The following KRT71 variants were observed in gnomAD, a reference collection of about 807,000 sequenced individuals.
The protein encoded by KRT71 is keratin, type II cytoskeletal 71.
Under a neutral mutation model 46.2 loss-of-function variants are expected in KRT71, and 42 were observed. That is an observed-to-expected ratio of 0.91 (90% CI 0.71 to 1.18). KRT71 has a LOEUF of 1.18. Among genes scored for constraint, KRT71 ranks in the 50% most tolerant of loss-of-function variants. KRT71 has a pLI of 0.00. For synonymous variants in KRT71, 292 were observed against 277.8 expected, an observed-to-expected ratio of 1.05 and a Z score of -0.51; for missense variants, 708 against 677.9, an observed-to-expected ratio of 1.04 and a Z score of -0.49.
At chr12:52,548,821 T>TG (rs770018237) in intron 3 of KRT71, 25 bp from the exon 4 acceptor site, 1 of 1,605,216 alleles carries the variant, frequency 6.2e-7, no homozygotes, top group South Asian at 1.1e-5. Flanking sequence ...CACCATCCCC[T>TG]GTCACTGCTG....
At chr12:52,549,378 G>C in intron 2 of KRT71, 25 bp from the exon 3 acceptor site, 1 of 1,594,120 alleles carries the variant, frequency 6.3e-7, no homozygotes, top group African/African-American at 1.3e-5. Context: ...AGGGCTCATT[G>C]GTTAATATCT....
chr12:52,546,767 A>G (rs1243275582), intron 6 of KRT71, among the ~76,000 whole-genome samples: 1 of 152,212 alleles, frequency 6.6e-6, no homozygotes, highest in Non-Finnish European at 1.5e-5. Flanking sequence ...GCATAGAGAC[A>G]TTTATTCAGC....
At position 52,552,917 on chromosome 12, in the gene KRT71, A is replaced by G. The variant is rs1434158598; in HGVS notation, c.161T>C (p.Val54Ala). ...GSRSLYSLGG[V>A]RSLNVASGSG... Reference sequence around the variant, plus strand: ...GCCACTGGCCACATTGAGGCTCCGGACACCCCCCAGGCTGTAGAGGCTCCG... The same window carrying G: ...GCCACTGGCCACATTGAGGCTCCGGGCACCCCCCAGGCTGTAGAGGCTCCG... The change falls in exon 1 of 9, where the codon GTC (valine) becomes GCC (alanine). Residue 54 changes from valine (V) to alanine (A), a missense_variant. Coordinates refer to ENST00000267119, the MANE Select transcript of KRT71 (RefSeq NM_033448.3). 2 of 1,613,974 alleles carry G rather than the reference A, an allele frequency of 1.2e-6. No individual in the cohort carries two copies. The highest frequency in any genetic ancestry group is 8.5e-7 in the Non-Finnish European group (1 of 1,180,038).
rs762812066 is a variant in KRT71, at chr12:52,550,026, C to T, written c.656+3G>A. 1 of 1,614,024 alleles carries T rather than the reference C, an allele frequency of 6.2e-7. No individual in the cohort carries two copies. The highest frequency in any genetic ancestry group is 8.5e-7 in the Non-Finnish European group (1 of 1,179,916). ...CAGTTACAGGGGGACTCCTCCTGCT[C>T]ACCTCTTCTTGTAGTCCTCCACTAC... On this transcript the variant is annotated splice_donor_region_variant and intron_variant, in intron 2 of 8. Coordinates refer to ENST00000267119, the MANE Select transcript of KRT71 (RefSeq NM_033448.3).
chr12:52,549,959 G>A, intron 2 of KRT71, 70 bp downstream of exon 2: 1 of 1,573,890 alleles, frequency 6.4e-7, no homozygotes, highest in Non-Finnish European at 8.7e-7. Flanking sequence ...TTTAAGCTGG[G>A]GTGACTGCCA....
At position 52,544,497 on chromosome 12, in the gene KRT71, G is replaced by T; in HGVS notation, c.*35C>A. On this transcript the variant is annotated 3_prime_UTR_variant, in exon 9 of 9. Transcript: ENST00000267119. The stretch of plus-strand genomic sequence containing the variant: ...AGTACAGTGTGGGATCCAGAGCCGG[G>T]TCATGGAATGAGGCGGGGCCCGGGG... 1 of 1,577,316 alleles carries T rather than the reference G, an allele frequency of 6.3e-7. No homozygotes were observed. Among genetic ancestry groups the T allele is most frequent in the Non-Finnish European group, 8.7e-7 (1 of 1,146,556 alleles).
intron 6 of KRT71, 33 bp downstream of exon 6, chr12:52,547,824 C>T: frequency 2.5e-6 from 4 of 1,611,164 alleles, no homozygotes; most frequent in Non-Finnish European, 3.4e-6. Context: ...CTCCCCTGCA[C>T]TTGACCACAG....
Position 52,546,410 on chromosome 12 carries a change from G to T in KRT71, c.1201C>A (p.Leu401Met). 10 of 1,614,190 alleles carry T rather than the reference G, an allele frequency of 6.2e-6. No individual in the cohort carries two copies. The highest frequency in any genetic ancestry group is 8.5e-6 in the Non-Finnish European group (10 of 1,180,026). ...GCCAGCTCCTCCTTGGCCTGGTGCA[G>T]GGCGCCCTCCAGCTCGTCCAGCTTG... ...RAKLDELEGA[L>M]HQAKEELARM... is the part of the protein sequence containing the mutation. The change falls in exon 7 of 9, where the codon CTG becomes ATG. Residue 401 changes from leucine to methionine, a missense_variant. Coordinates refer to ENST00000267119, the MANE Select transcript of KRT71 (RefSeq NM_033448.3).
At chr12:52,546,140 T>C in intron 7 of KRT71, 146 bp downstream of exon 7, 1 of 846,078 alleles carries the variant, frequency 1.2e-6, no homozygotes, top group South Asian at 1.8e-5. Flanking sequence ...CTCATGGTAG[T>C]ATTGTTAATT....
chr12:52,549,232 A>G (rs2120574758), intron 3 of KRT71, 61 bp downstream of exon 3: 2 of 1,283,864 alleles, frequency 1.6e-6, no homozygotes, highest in Non-Finnish European at 1.1e-6. Flanking sequence ...GCACCTTGGC[A>G]GGCTCTGTTC....
In KRT71 at chr12:52,546,311, T is replaced by C; in HGVS notation, c.1300A>G (p.Lys434Glu). 6.2e-7 allele frequency: 1 copy of C among 1,614,108 alleles called. No homozygotes were observed. Among genetic ancestry groups the C allele is most frequent in the Middle Eastern group, 1.7e-4 (1 of 6,060 alleles). The change falls in exon 7 of 9, where the codon AAG becomes GAG. Residue 434 changes from lysine (K) to glutamate (E), a missense_variant. Lys to Glu is a moderately conservative substitution (Grantham distance 56). Coordinates refer to ENST00000267119, the MANE Select transcript of KRT71 (RefSeq NM_033448.3). ...ALDMEIATYR[K>E]LLESEECRMS... ...CTGCACTCCTCGCTCTCCAGTAGCT[T>C]GCGATAGGTGGCGATCTCCATGTCC...
At position 52,548,162 on chromosome 12, in the gene KRT71, T is replaced by C; in HGVS notation, c.968A>G (p.Tyr323Cys). The change falls in exon 5 of 9, where the codon TAC becomes TGC. Residue 323 changes from tyrosine to cysteine, a missense_variant. Physicochemically the swap from Tyr to Cys is radical, Grantham distance 194 (BLOSUM62 -2). Transcript: ENST00000267119. ...LKSKAEAEAL[Y>C]QTKFQELQLA... is the part of the protein sequence containing the mutation. ...CTCAGCCCAGCTCACCTTGGTCTGG[T>C]ACAGGGCCTCAGCCTCGGCCTTACT... The C allele has an allele frequency of 1.2e-6, 2 of 1,613,412 alleles. No homozygotes were observed. The highest frequency in any genetic ancestry group is 1.7e-6 in the Non-Finnish European group (2 of 1,179,538).
rs1223264511 is a variant in KRT71, at chr12:52,544,602, G to A, written c.1502C>T (p.Ala501Val). Residue 501 changes from alanine (A) to valine (V), a missense_variant, in exon 9 of 9, where the codon GCC becomes GTC. Ala to Val is a moderately conservative substitution (Grantham distance 64, BLOSUM62 0). Coordinates refer to ENST00000267119, the MANE Select transcript of KRT71 (RefSeq NM_033448.3). ...RGGEGRSRGS[A>V]NDYKDTLGKG... ...CCCTAGGGTGTCTTTGTAATCGTTG[G>A]CACTGCCCCGGCTCCTGCCCTCCCC... 6.2e-7 allele frequency: 1 copy of A among 1,614,058 alleles called. No homozygotes were observed. The highest frequency in any genetic ancestry group is 1.3e-5 in the African/African-American group (1 of 75,036).
In KRT71 at chr12:52,544,442, T is replaced by G; in HGVS notation, c.*90A>C. On this transcript the variant is annotated 3_prime_UTR_variant, in exon 9 of 9. Transcript: ENST00000267119. ...GTGTATGGGAGCAGGACCAGCAGGG[T>G]GGAGATGGAGCTGAGAGTGGGCTGT... The G allele has an allele frequency of 6.9e-6, 8 of 1,166,036 alleles. No individual in the cohort carries two copies. Among genetic ancestry groups the G allele is most frequent in the Non-Finnish European group, 8.9e-6 (7 of 782,302 alleles). 72.2% of individuals were successfully genotyped at this position (1,166,036 alleles called of 1,614,324 possible). A position where few individuals can be genotyped will look rare whatever the true frequency, so the allele number is the denominator to read the frequency against.
At chr12:52,548,849 G>A (rs1939108306) in intron 3 of KRT71, 53 bp from the exon 4 acceptor site, 3 of 1,514,948 alleles carry the variant, frequency 2.0e-6, no homozygotes, top group South Asian at 2.2e-5. Flanking sequence ...CAAAAAGGCA[G>A]CAGCCATCCC....
chr12:52,546,653 T>C, intron 6 of KRT71, 147 bp from the exon 7 acceptor site: 1 of 770,592 alleles, frequency 1.3e-6, no homozygotes, highest in South Asian at 1.8e-5. Flanking sequence ...GAGCCCCTTC[T>C]GGGGCTGGCA....
chr12:52,546,540 G>A, intron 6 of KRT71, 34 bp from the exon 7 acceptor site: 1 of 1,599,304 alleles, frequency 6.3e-7, no homozygotes, highest in Non-Finnish European at 8.5e-7. Flanking sequence ...GAAAAATTTG[G>A]AGGAGCCACT....
intron 5 of KRT71, 74 bp from the exon 6 acceptor site, chr12:52,548,056 CACTT>C (rs1020547373): frequency 2.5e-6 from 4 of 1,602,026 alleles, no homozygotes; most frequent in Non-Finnish European, 2.6e-6. Context: ...ACACAACAGA[CACTT>C]ACTGGGACAC....
Position 52,552,822 on chromosome 12 carries a change from T to C in KRT71, c.256A>G (p.Ser86Gly), listed in dbSNP as rs1190255541. ...GGGCACACAGGCCCCAGGGCCACAC[T>C]GCCAAACATGCTTCCAGCAAAGCCA... ...ASGFAGSMFGSVALGPVCPTV... is the reference protein window; with the variant it reads ...ASGFAGSMFGGVALGPVCPTV... Residue 86 changes from serine to glycine, a missense_variant, in exon 1 of 9, where the codon AGT becomes GGT. Ser to Gly is a moderately conservative substitution (Grantham distance 56). Transcript: ENST00000267119. 1 of 1,614,244 alleles carries C rather than the reference T, an allele frequency of 6.2e-7. No homozygotes were observed. Among genetic ancestry groups the C allele is most frequent in the Non-Finnish European group, 8.5e-7 (1 of 1,180,042 alleles).
Sources: allele counts gnomAD v4.1 joint callset (sites outside exome capture counted in the v4.1 genomes callset), GRCh38; gene constraint gnomAD v4.1.1; transcripts MANE v1.5; gene names NCBI Gene and HGNC (gene_info 2026-07-23, HGNC 2026-07-21).